Variants in EPHA5 observed in about 807,000 individuals in gnomAD.
The protein encoded by EPHA5 is ephrin type-A receptor 5.
A neutral mutation model predicts 105.0 loss-of-function variants in EPHA5; 60 were observed. The ratio of observed to expected loss-of-function variants is 0.57; its 90% CI spans 0.46 to 0.71. EPHA5 has a LOEUF of 0.71. Among genes scored for constraint, EPHA5 ranks in the 30% least tolerant of loss-of-function variants. EPHA5 has a pLI of 0.00. For synonymous variants in EPHA5, 513 were observed against 449.1 expected (o/e 1.14, Z -1.80); for missense variants, 1,218 against 1,274.7 (o/e 0.96, Z 0.68).
chr4:65,522,015 A>T (rs1461142832), intron 3 of EPHA5, among the ~76,000 whole-genome samples: 1 of 151,936 alleles, frequency 6.6e-6, no homozygotes, highest in Non-Finnish European at 1.5e-5. Flanking sequence ...TCTATCTAAA[A>T]ATTCTTTATA....
At chr4:65,338,784 A>G (rs1025249695) in intron 14 of EPHA5, among the ~76,000 whole-genome samples, 1 of 152,064 alleles carries the variant, frequency 6.6e-6, no homozygotes, top group African/African-American at 2.4e-5. Flanking sequence ...ATGATTCTTT[A>G]TAATAGTTTT....
At chr4:65,476,860 G>T (rs1176588935) in intron 5 of EPHA5, among the ~76,000 whole-genome samples, 1 of 152,092 alleles carries the variant, frequency 6.6e-6, no homozygotes, top group African/African-American at 2.4e-5. Flanking sequence ...ATTACAATTA[G>T]TGTACTATGT....
intron 8 of EPHA5, among the ~76,000 whole-genome samples, chr4:65,401,703 G>A (rs1243261576): frequency 6.6e-6 from 1 of 152,098 alleles, no homozygotes; most frequent in Non-Finnish European, 1.5e-5. Context: ...TTGCTAAGAT[G>A]TTGCTGTTTT....
intron 16 of EPHA5, chr4:65,331,433 ATC>A: frequency 9.6e-7 from 1 of 1,046,054 alleles, no homozygotes. Context: ...CAAATAACAA[ATC>A]AGAGGCGGGA....
intron 1 of EPHA5, among the ~76,000 whole-genome samples, chr4:65,657,270 T>C (rs1749161309): frequency 6.6e-6 from 1 of 152,154 alleles, no homozygotes; most frequent in Non-Finnish European, 1.5e-5. Context: ...AACACATGTT[T>C]TATATTAATT....
chr4:65,601,027 T>A (rs1256665767), intron 3 of EPHA5, among the ~76,000 whole-genome samples: 1 of 152,174 alleles, frequency 6.6e-6, no homozygotes, highest in African/African-American at 2.4e-5. Context: ...TATCTTCAAA[T>A]AGTTATTTTT....
intron 5 of EPHA5, among the ~76,000 whole-genome samples, chr4:65,457,602 C>G (rs1484398742): frequency 6.6e-6 from 1 of 151,520 alleles, no homozygotes; most frequent in Non-Finnish European, 1.5e-5. Flanking sequence ...GAAATAAATA[C>G]TTTTTCTATA....
In EPHA5 at chr4:65,348,659, G is replaced by GATATAT. The variant is rs36206921; in HGVS notation, c.2446-462_2446-457dup. Reference sequence around the variant, plus strand: ...TAATAAGAAAAGCATAAACATTGGAGATATATATATATATATATATATATA... The same window carrying GATATAT: ...TAATAAGAAAAGCATAAACATTGGAGATATATATATATATATATATATATATATATA... On this transcript the variant is annotated intron_variant, in intron 13 of 16. Transcript: ENST00000613740. 3.9e-3 allele frequency among the ~76,000 whole-genome samples: 234 copies of GATATAT among 60,098 alleles called. 4 individuals carry two copies. Among genetic ancestry groups the GATATAT allele is most frequent in the African/African-American group, 0.013 (225 of 16,998 alleles). 39.4% of individuals were successfully genotyped at this position (60,098 alleles called of 152,430 possible).
chr4:65,507,152 G>A (rs1462050833), intron 3 of EPHA5, among the ~76,000 whole-genome samples: 2 of 152,104 alleles, frequency 1.3e-5, no homozygotes, highest in Admixed American at 6.6e-5. Context: ...GGTTTTGTCA[G>A]GTTTGTCAAA....
intron 16 of EPHA5, among the ~76,000 whole-genome samples, chr4:65,325,452 G>T (rs1192495586): frequency 7.1e-6 from 1 of 141,388 alleles, no homozygotes; most frequent in Non-Finnish European, 1.6e-5. Flanking sequence ...TTAGGAAATG[G>T]CAAGCAGCTA....
chr4:65,499,286 A>T (rs565417317), intron 3 of EPHA5, among the ~76,000 whole-genome samples: 34 of 151,728 alleles, frequency 2.2e-4, no homozygotes, highest in Admixed American at 7.2e-4. Flanking sequence ...AATTATCTGT[A>T]TTTGAATTAG....
At chr4:65,387,001 T>A (rs6551917) in intron 8 of EPHA5, among the ~76,000 whole-genome samples, 21,895 of 151,712 alleles carry the variant, frequency 0.14, 2,046 homozygotes, top group East Asian at 0.29. Flanking sequence ...GCAAGACGTC[T>A]TGGTAATGTC....
At chr4:65,555,555 TAA>T (rs34149071) in intron 3 of EPHA5, among the ~76,000 whole-genome samples, 1 of 144,050 alleles carries the variant, frequency 6.9e-6, no homozygotes, top group African/African-American at 2.6e-5. Flanking sequence ...AAAATTTTTC[TAA>T]AAAAAAAAAA....
chr4:65,634,040 C>T (rs527597609), intron 2 of EPHA5, among the ~76,000 whole-genome samples: 28 of 151,958 alleles, frequency 1.8e-4, no homozygotes, highest in Admixed American at 1.6e-3. Flanking sequence ...CGAGGAGGAA[C>T]AGAGTTTGTC....
chr4:65,625,863 G>A (rs1026167634), intron 2 of EPHA5, among the ~76,000 whole-genome samples: 8 of 152,120 alleles, frequency 5.3e-5, no homozygotes, highest in Non-Finnish European at 1.0e-4. Context: ...TGTAATCCCA[G>A]CACTTTAGGA....
intron 13 of EPHA5, 88 bp downstream of exon 13, chr4:65,351,301 G>A (rs1483042837): frequency 8.4e-7 from 1 of 1,193,488 alleles, no homozygotes; most frequent in Non-Finnish European, 1.2e-6. Flanking sequence ...CTTTGTTGCA[G>A]GAATGCTCTT....
chr4:65,544,264 G>A (rs1306809614), intron 3 of EPHA5, among the ~76,000 whole-genome samples: 1 of 152,004 alleles, frequency 6.6e-6, no homozygotes, highest in African/African-American at 2.4e-5. Context: ...CACAGCAAAA[G>A]TAACTATCAT....
At chr4:65,575,962 C>T (rs554810209) in intron 3 of EPHA5, among the ~76,000 whole-genome samples, 60 of 116,538 alleles carry the variant, frequency 5.1e-4, no homozygotes, top group African/African-American at 1.9e-3. Flanking sequence ...GGTGACAGAG[C>T]GAGATTCCAT....
intron 15 of EPHA5, among the ~76,000 whole-genome samples, chr4:65,332,522 C>T (rs1720725515): frequency 6.7e-6 from 1 of 149,700 alleles, no homozygotes; most frequent in Non-Finnish European, 1.5e-5. Context: ...CAACAGTGAA[C>T]TCTAATGTAA....
Sources: gnomAD v4.1 joint callset for allele counts (sites outside exome capture counted in the v4.1 genomes callset) on GRCh38, gnomAD v4.1.1 for gene constraint, MANE v1.5 for transcripts, NCBI Gene and HGNC (gene_info 2026-07-23, HGNC 2026-07-21) for gene names.